The following PCDHA1 variants were observed in gnomAD, a reference collection of about 807,000 sequenced individuals.
PCDHA1 encodes protocadherin alpha 1, also known as protocadherin alpha-1.
In PCDHA1, 42 loss-of-function variants were observed where a neutral mutation model predicts 61.3. The observed-to-expected ratio is 0.69, with a 90% CI of 0.54 to 0.89. The LOEUF is 0.89. Ranked by LOEUF, PCDHA1 falls within the 40% of genes least tolerant of loss-of-function variation. PCDHA1 has a pLI of 0.00. For synonymous variants in PCDHA1, 610 were observed against 553.8 expected, an observed-to-expected ratio of 1.10 and a Z score of -1.43; for missense variants, 1,256 against 1,235.3, an observed-to-expected ratio of 1.02 and a Z score of -0.25.
chr5:140,787,588 C>T lies in PCDHA1; in HGVS notation c.1298C>T (p.Pro433Leu). The T allele has an allele frequency of 6.2e-7, 1 of 1,614,136 alleles. No individual in the cohort carries two copies. Among genetic ancestry groups the T allele is most frequent in the Non-Finnish European group, 8.5e-7 (1 of 1,180,032 alleles). The change falls in exon 1 of 4, where the codon CCT becomes CTT. Residue 433 changes from proline to leucine, a missense_variant. Pro to Leu is a moderately conservative substitution (Grantham distance 98, BLOSUM62 -3). Coordinates refer to ENST00000504120, the MANE Select transcript of PCDHA1 (RefSeq NM_018900.4). Reference protein sequence around the residue: ...LVVTARDGGSPSLWATARVSV... With the variant: ...LVVTARDGGSLSLWATARVSV... ...GTGACCGCGCGGGACGGGGGCTCGC[C>T]TTCGCTGTGGGCCACGGCCAGGGTG...
Position 140,994,560 on chromosome 5 carries a change from C to T in PCDHA1, c.2542+11997C>T, listed in dbSNP as rs140191916. Among the ~76,000 whole-genome samples, 970 of 152,032 alleles carry T rather than the reference C, an allele frequency of 6.4e-3. 14 individuals carry two copies. Among genetic ancestry groups the T allele is most frequent in the African/African-American group, 0.023 (943 of 41,474 alleles). On this transcript the variant is annotated intron_variant, in intron 3 of 3. Coordinates refer to ENST00000504120, the MANE Select transcript of PCDHA1 (RefSeq NM_018900.4). ...TCTACAAAAAAAATATAAAAATTAG[C>T]CGGGTGTGGTGGCATGCACTTGTAG...
At chr5:140,871,443 T>C (rs1192118860) in intron 1 of PCDHA1, 13 of 1,610,650 alleles carry the variant, frequency 8.1e-6, no homozygotes, top group African/African-American at 1.3e-5. Flanking sequence ...TAGGTCTGAA[T>C]AAAGAGGAGG....
At chr5:140,967,884 C>T (rs2096194386) in intron 1 of PCDHA1, 2 of 1,614,050 alleles carry the variant, frequency 1.2e-6, no homozygotes, top group African/African-American at 1.3e-5. Context: ...CTGTATAGCC[C>T]AGTGCCTGAG....
At chr5:140,885,685 A>G (rs2060694021) in intron 1 of PCDHA1, among the ~76,000 whole-genome samples, 1 of 152,198 alleles carries the variant, frequency 6.6e-6, no homozygotes, top group African/African-American at 2.4e-5. Flanking sequence ...TATCTCAAGA[A>G]GCAATAGTGG....
rs782527785 is a variant in PCDHA1, at chr5:140,882,593, A to C, written c.2394+93909A>C. 1.9e-6 allele frequency: 3 copies of C among 1,614,126 alleles called. No homozygotes were observed. In the African/African-American group the frequency reaches 4.0e-5, roughly 22 times the overall value. On this transcript the variant is annotated intron_variant, in intron 1 of 3. Coordinates refer to ENST00000504120, the MANE Select transcript of PCDHA1 (RefSeq NM_018900.4). ...GGAGTGCAGCATCCACCTGGAGGTG[A>C]TCGTGGACAGGCCTCTGCAGGTTTT...
intron 1 of PCDHA1, among the ~76,000 whole-genome samples, chr5:140,891,866 T>C (rs2063289213): frequency 6.6e-6 from 1 of 152,184 alleles, no homozygotes; most frequent in Non-Finnish European, 1.5e-5. Flanking sequence ...TCTCTTATGC[T>C]TTTGGCTCTG....
intron 1 of PCDHA1, among the ~76,000 whole-genome samples, chr5:140,910,536 C>G (rs1554194300): frequency 1.3e-5 from 2 of 152,168 alleles, no homozygotes; most frequent in African/African-American, 4.8e-5. Flanking sequence ...CCTCACAAAT[C>G]TATTTTGCAA....
At chr5:140,816,690 C>T (rs1338266631) in intron 1 of PCDHA1, 2 of 152,192 alleles carry the variant, frequency 1.3e-5, no homozygotes, top group Non-Finnish European at 2.9e-5. Flanking sequence ...AAGATCTTTA[C>T]TAATCAGGCT....
At chr5:140,866,880 C>T (rs1270572722) in intron 1 of PCDHA1, 2 of 152,032 alleles carry the variant, frequency 1.3e-5, no homozygotes, top group Non-Finnish European at 2.9e-5. Context: ...TTGGTATTAG[C>T]CTATACCCAG....
intron 1 of PCDHA1, among the ~76,000 whole-genome samples, chr5:140,920,730 G>A (rs902169780): frequency 6.6e-6 from 1 of 152,058 alleles, no homozygotes; most frequent in Non-Finnish European, 1.5e-5. Context: ...TGCAGTCCCA[G>A]CTACTCAGGA....
intron 1 of PCDHA1, among the ~76,000 whole-genome samples, chr5:140,964,913 A>G (rs1254329232): frequency 6.6e-6 from 1 of 152,202 alleles, no homozygotes; most frequent in African/African-American, 2.4e-5. Context: ...CTCTGGAATA[A>G]CACTGGCTAG....
chr5:140,927,574 G>T, intron 1 of PCDHA1: 1 of 1,614,168 alleles, frequency 6.2e-7, no homozygotes, highest in Non-Finnish European at 8.5e-7. Flanking sequence ...GGACACAAAT[G>T]ACAACGCGCC....
intron 1 of PCDHA1, chr5:140,801,060 A>G: frequency 4.1e-6 from 6 of 1,452,866 alleles, no homozygotes; most frequent in Non-Finnish European, 4.5e-6. Flanking sequence ...AGCGTGCATT[A>G]CGTATTCAGA....
chr5:140,795,215 T>C (rs782405254), intron 1 of PCDHA1: 1 of 1,614,228 alleles, frequency 6.2e-7, no homozygotes, highest in Non-Finnish European at 8.5e-7. Context: ...AATGGCATTT[T>C]GTTTGTGAAT....
chr5:140,828,225 T>A (rs1554131106), intron 1 of PCDHA1: 1 of 1,613,878 alleles, frequency 6.2e-7, no homozygotes, highest in East Asian at 2.2e-5. Context: ...GGCACCTTCG[T>A]GGGCCGGATC....
rs782466455 is a variant in PCDHA1, at chr5:140,801,849, G to A, written c.2394+13165G>A. ...TTTACTAATAACAGCAATTGATGGTGGGAAACCAGAGCTCACTGGCACGAC... is the reference window on the plus strand; with the variant it reads ...TTTACTAATAACAGCAATTGATGGTAGGAAACCAGAGCTCACTGGCACGAC... On this transcript the variant is annotated intron_variant, in intron 1 of 3. Transcript: ENST00000504120. 2.5e-6 allele frequency: 4 copies of A among 1,614,054 alleles called. No homozygotes were observed. Among genetic ancestry groups the A allele is most frequent in the Middle Eastern group, 1.6e-4 (1 of 6,062 alleles).
In PCDHA1 at chr5:140,787,954, T is replaced by A. The variant is rs782494427; in HGVS notation, c.1664T>A (p.Val555Glu). 1.2e-6 allele frequency: 2 copies of A among 1,613,818 alleles called. No individual in the cohort carries two copies. Among genetic ancestry groups the A allele is most frequent in the East Asian group, 4.5e-5 (2 of 44,884 alleles). The change falls in exon 1 of 4, where the codon GTG (valine) becomes GAG (glutamate). Residue 555 changes from valine to glutamate, a missense_variant. By Grantham distance (121) the Val-to-Glu change is moderately radical. Coordinates refer to ENST00000504120, the MANE Select transcript of PCDHA1 (RefSeq NM_018900.4). Reference protein sequence around the residue: ...LGSNVTLQVFVLDENDNAPAL... With the variant: ...LGSNVTLQVFELDENDNAPAL... ...AGCAACGTGACGCTGCAGGTGTTCG[T>A]GCTGGACGAGAACGACAACGCGCCG... is the stretch of plus-strand genomic sequence containing the variant.
rs781816773 is a variant in PCDHA1 at position 140,788,104 on chromosome 5, C to A, written c.1814C>A (p.Ala605Glu). 2.5e-6 allele frequency: 4 copies of A among 1,613,864 alleles called. No homozygotes were observed. Among genetic ancestry groups the A allele is most frequent in the Non-Finnish European group, 3.4e-6 (4 of 1,179,920 alleles). The change falls in exon 1 of 4, where the codon GCG (alanine) becomes GAG (glutamate). Residue 605 changes from alanine (A) to glutamate (E), a missense_variant. Physicochemically the swap from Ala to Glu is moderately radical, Grantham distance 107. Transcript: ENST00000504120. Reference sequence around the variant, plus strand: ...GTGGACGCCGACTCGGGCTACAACGCGTGGCTGTCCTATGAACTGCAGCCG... The same window carrying A: ...GTGGACGCCGACTCGGGCTACAACGAGTGGCTGTCCTATGAACTGCAGCCG... Reference protein sequence around the residue: ...RAVDADSGYNAWLSYELQPAA... With the variant: ...RAVDADSGYNEWLSYELQPAA...
chr5:140,978,704 G>A (rs1250477330), intron 1 of PCDHA1, among the ~76,000 whole-genome samples: 1 of 152,242 alleles, frequency 6.6e-6, no homozygotes, highest in African/African-American at 2.4e-5. Flanking sequence ...GCCAAAGGTG[G>A]CCTTTACAAG....
Sources: allele counts gnomAD v4.1 joint callset (sites outside exome capture counted in the v4.1 genomes callset), GRCh38; gene constraint gnomAD v4.1.1; transcripts MANE v1.5; gene names NCBI Gene and HGNC (gene_info 2026-07-23, HGNC 2026-07-21).